PLEK2: variants seen among roughly 807,000 people sequenced by gnomAD.
PLEK2 encodes the protein pleckstrin-2.
In PLEK2, 29 loss-of-function variants were observed where a neutral mutation model predicts 43.8. That is an observed-to-expected ratio of 0.66 (90% CI 0.49 to 0.90). The LOEUF is 0.90. Ranked by LOEUF, PLEK2 falls within the 40% of genes least tolerant of loss-of-function variation. PLEK2 has a pLI of 0.00. For synonymous variants in PLEK2, 162 were observed against 173.2 expected, an observed-to-expected ratio of 0.94 and a Z score of 0.51; for missense variants, 398 against 448.1, an observed-to-expected ratio of 0.89 and a Z score of 1.01.
chr14:67,393,024 C>T, intron 4 of PLEK2, 126 bp downstream of exon 4: 1 of 905,410 alleles, frequency 1.1e-6, no homozygotes, highest in South Asian at 1.5e-5. Flanking sequence ...ACATGGCCAT[C>T]TCAGGCTAGC....
intron 1 of PLEK2, among the ~76,000 whole-genome samples, chr14:67,405,026 A>G (rs2086069918): frequency 6.6e-6 from 1 of 151,578 alleles, no homozygotes; most frequent in African/African-American, 2.4e-5. Flanking sequence ...CTGAGGTCAG[A>G]AGTTCAAGAC....
At chr14:67,390,943 C>T (rs1326821739) in intron 6 of PLEK2, among the ~76,000 whole-genome samples, 197 bp from the exon 7 acceptor site, 1 of 152,136 alleles carries the variant, frequency 6.6e-6, no homozygotes, top group Non-Finnish European at 1.5e-5. Flanking sequence ...CTCAGTGACA[C>T]TGTAGCAAAA....
intron 1 of PLEK2, among the ~76,000 whole-genome samples, chr14:67,403,842 A>G (rs756920844): frequency 6.6e-6 from 1 of 152,222 alleles, no homozygotes. Flanking sequence ...TCCTGAGCCC[A>G]GGAGTTCAAG....
At chr14:67,410,883 C>T (rs540924831) in intron 1 of PLEK2, among the ~76,000 whole-genome samples, 10 of 152,274 alleles carry the variant, frequency 6.6e-5, no homozygotes, top group Admixed American at 3.9e-4. Context: ...TGGTGGCTCA[C>T]GCCTGTTATC....
intron 1 of PLEK2, among the ~76,000 whole-genome samples, chr14:67,408,292 AAAT>A (rs778651414): frequency 1.8e-4 from 25 of 138,308 alleles, no homozygotes; most frequent in Non-Finnish European, 3.2e-4. Context: ...GTCTCAAAAT[AAAT>A]AAATAAAATA....
At chr14:67,402,506 T>C (rs1397477635) in intron 1 of PLEK2, among the ~76,000 whole-genome samples, 2 of 152,242 alleles carry the variant, frequency 1.3e-5, no homozygotes, top group Non-Finnish European at 2.9e-5. Flanking sequence ...TGCTATTAAA[T>C]AGTAAGTCTT....
intron 1 of PLEK2, among the ~76,000 whole-genome samples, chr14:67,405,011 G>T (rs1051951818): frequency 5.3e-5 from 8 of 151,732 alleles, no homozygotes; most frequent in Non-Finnish European, 8.8e-5. Context: ...AAGTAGGCGG[G>T]TCACCTGAGG....
At chr14:67,388,195 T>C (rs1378464765) in intron 8 of PLEK2, 29 bp downstream of exon 8, 1 of 1,512,630 alleles carries the variant, frequency 6.6e-7, no homozygotes, top group Non-Finnish European at 9.2e-7. Context: ...CCCTGAGATC[T>C]TCAGGCCAGG....
rs1293219769 is a variant in PLEK2, at chr14:67,387,232, T to G, written c.*97A>C. On this transcript the variant is annotated 3_prime_UTR_variant, in exon 9 of 9. Transcript: ENST00000216446. ...TCACTCTCCAAAGCAGTACAAAACT[T>G]ACAAAGAAGTCAAAAGTCTTAACAC... is the stretch of plus-strand genomic sequence containing the variant. The G allele has an allele frequency of 1.6e-6, 2 of 1,229,500 alleles. No individual in the cohort carries two copies. Among genetic ancestry groups the G allele is most frequent in the Admixed American group, 5.1e-5 (2 of 39,460 alleles). 76.2% of individuals were successfully genotyped at this position (1,229,500 alleles called of 1,614,324 possible). A position where few individuals can be genotyped will look rare whatever the true frequency, so the allele number is the denominator to read the frequency against.
rs1174097434 is a variant in PLEK2 at position 67,388,303 on chromosome 14, C to G, written c.856-1G>C. 2 of 1,605,086 alleles carry G rather than the reference C, an allele frequency of 1.2e-6. No homozygotes were observed. The highest frequency in any genetic ancestry group is 1.7e-6 in the Non-Finnish European group (2 of 1,171,856). Reference sequence around the variant, plus strand: ...ACCCACCCACTGGCCTGTTCTCTTCCTGTAGAGGAAAGGAGACCCAATTAG... The same window carrying G: ...ACCCACCCACTGGCCTGTTCTCTTCGTGTAGAGGAAAGGAGACCCAATTAG... On this transcript the variant is annotated splice_acceptor_variant, in intron 7 of 8. Transcript: ENST00000216446. LOFTEE classifies it high-confidence loss of function.
chr14:67,387,789 A>G (rs1039653792), intron 8 of PLEK2, among the ~76,000 whole-genome samples: 10 of 152,236 alleles, frequency 6.6e-5, no homozygotes, highest in African/African-American at 9.6e-5. Flanking sequence ...AAAAGCAAGC[A>G]TAGAATTTGG....
At chr14:67,401,206 G>T (rs1046961441) in intron 1 of PLEK2, among the ~76,000 whole-genome samples, 7 of 152,010 alleles carry the variant, frequency 4.6e-5, no homozygotes, top group African/African-American at 1.4e-4. Flanking sequence ...GGTGATTTAG[G>T]TTGGCTGCGG....
intron 6 of PLEK2, 102 bp from the exon 7 acceptor site, chr14:67,390,848 C>T: frequency 1.2e-6 from 1 of 819,384 alleles, no homozygotes; most frequent in South Asian, 1.3e-5. Flanking sequence ...CCAGCCCGCT[C>T]CAATGGGACT....
At chr14:67,390,338 GTC>G (rs1361699583) in intron 7 of PLEK2, among the ~76,000 whole-genome samples, 2 of 152,202 alleles carry the variant, frequency 1.3e-5, no homozygotes, top group African/African-American at 4.8e-5. Context: ...GCCAGTAGGA[GTC>G]TCTGTCAGCC....
chr14:67,393,035 C>CTGT, intron 4 of PLEK2, 115 bp downstream of exon 4: 1 of 940,522 alleles, frequency 1.1e-6, no homozygotes, highest in Middle Eastern at 3.1e-4. Flanking sequence ...TCAGGCTAGC[C>CTGT]TGTTGCCCAG....
chr14:67,404,046 G>A (rs771090211), intron 1 of PLEK2, among the ~76,000 whole-genome samples: 29 of 151,490 alleles, frequency 1.9e-4, no homozygotes, highest in Non-Finnish European at 3.8e-4. Context: ...CAGTGAGACT[G>A]CCAAAAAAAT....
chr14:67,394,230 A>G (rs1280058600), intron 3 of PLEK2, among the ~76,000 whole-genome samples: 1 of 152,076 alleles, frequency 6.6e-6, no homozygotes, highest in African/African-American at 2.4e-5. Flanking sequence ...GTGACTTTTA[A>G]CTTACAAACA....
chr14:67,392,839 C>G lies in PLEK2; in HGVS notation c.492G>C (p.Leu164=), dbSNP rs755645757. The G allele has an allele frequency of 3.4e-5, 55 of 1,610,230 alleles. No individual in the cohort carries two copies. The highest frequency in any genetic ancestry group is 1.7e-4 in the Middle Eastern group (1 of 6,052). ...AGCTGTTGGAGATGAGCCAGTCCAC[C>G]AGGGAGGAGCCTGGCCAAGGGCAGC... The part of the protein sequence containing the change: ...TYKKTFLGSS[L]VDWLISNSFT... The change falls in exon 5 of 9, where the codon CTG becomes CTC. Residue 164 remains leucine, a synonymous_variant. Transcript: ENST00000216446.
rs2085930331 is a variant in PLEK2 at position 67,387,028 on chromosome 14, A to AAT, written c.*299_*300dup. On this transcript the variant is annotated 3_prime_UTR_variant, in exon 9 of 9. Coordinates refer to ENST00000216446, the MANE Select transcript of PLEK2 (RefSeq NM_016445.3). The stretch of plus-strand genomic sequence containing the variant: ...TTCAACATTATGGCATGGCCAGTGT[A>AAT]ATTGTTCCAACAAAGGGAACCTACT... The AAT allele has an allele frequency of 4.0e-6, 1 of 247,058 alleles. No individual in the cohort carries two copies. The highest frequency in any genetic ancestry group is 2.3e-5 in the African/African-American group (1 of 43,308). The allele number at this position is 247,058 out of a possible 1,614,324, so 15.3% of individuals were successfully genotyped here.
Sources: allele counts gnomAD v4.1 joint callset (sites outside exome capture counted in the v4.1 genomes callset), GRCh38; gene constraint gnomAD v4.1.1; transcripts MANE v1.5; gene names NCBI Gene and HGNC (gene_info 2026-07-23, HGNC 2026-07-21).